The following CCDC150 variants were observed in gnomAD, a reference collection of about 807,000 sequenced individuals.
CCDC150 encodes coiled-coil domain-containing protein 150.
In CCDC150, 151 loss-of-function variants were observed where a neutral mutation model predicts 156.5. The ratio of observed to expected loss-of-function variants is 0.97; its 90% CI spans 0.85 to 1.10. The LOEUF (loss-of-function observed/expected upper bound fraction) is 1.10, where lower values mean the gene tolerates loss of function less well. CCDC150 is among the 50% of genes least tolerant of loss of function. The pLI is 0.00. For missense variants in CCDC150, 1,312 were observed against 1,268.1 expected, an observed-to-expected ratio of 1.03 and a Z score of -0.53; for synonymous variants, 452 against 429.4, an observed-to-expected ratio of 1.05 and a Z score of -0.65.
intron 7 of CCDC150, among the ~76,000 whole-genome samples, chr2:196,669,444 GTC>G (rs1163720276): frequency 2.0e-5 from 3 of 152,112 alleles, no homozygotes; most frequent in Non-Finnish European, 4.4e-5. Flanking sequence ...TTTCCTCTGT[GTC>G]TCTGTTGTCA....
chr2:196,684,945 G>A (rs1695039446), intron 13 of CCDC150, among the ~76,000 whole-genome samples: 1 of 151,930 alleles, frequency 6.6e-6, no homozygotes, highest in Non-Finnish European at 1.5e-5. Context: ...TGGATCTAAA[G>A]TGTATATTTT....
At chr2:196,722,023 A>G (rs1390079972) in intron 21 of CCDC150, among the ~76,000 whole-genome samples, 1 of 152,160 alleles carries the variant, frequency 6.6e-6, no homozygotes, top group Non-Finnish European at 1.5e-5. Context: ...AACAGCTTAT[A>G]TGTCCTTTAA....
intron 5 of CCDC150, among the ~76,000 whole-genome samples, chr2:196,661,805 C>T (rs995393080): frequency 2.6e-5 from 4 of 152,196 alleles, no homozygotes; most frequent in African/African-American, 4.8e-5. Context: ...TACTTTTGTA[C>T]GGCACATTGT....
intron 10 of CCDC150, 73 bp downstream of exon 10, chr2:196,674,421 G>A: frequency 3.8e-6 from 3 of 780,004 alleles, no homozygotes; most frequent in Admixed American, 2.8e-5. Context: ...ATGGCCAACT[G>A]GAGAAATAAA....
At chr2:196,649,919 T>C (rs896608679) in intron 2 of CCDC150, among the ~76,000 whole-genome samples, 2 of 152,234 alleles carry the variant, frequency 1.3e-5, no homozygotes, top group East Asian at 3.8e-4. Flanking sequence ...TTTCTGTACA[T>C]GAGATTTTGT....
intron 13 of CCDC150, among the ~76,000 whole-genome samples, chr2:196,681,706 A>G (rs1007985436): frequency 6.6e-6 from 1 of 152,148 alleles, no homozygotes; most frequent in Non-Finnish European, 1.5e-5. Context: ...TTGTATTTCC[A>G]TAGTAACTAA....
chr2:196,715,007 G>C (rs1409927476), intron 17 of CCDC150, among the ~76,000 whole-genome samples: 1 of 152,106 alleles, frequency 6.6e-6, no homozygotes, highest in East Asian at 1.9e-4. Flanking sequence ...ATAACGTTGA[G>C]GTAGATGTGG....
intron 5 of CCDC150, among the ~76,000 whole-genome samples, chr2:196,663,643 C>T (rs1406589873): frequency 6.6e-6 from 1 of 152,104 alleles, no homozygotes; most frequent in Non-Finnish European, 1.5e-5. Context: ...GAAAAACCCT[C>T]ATGTCAAAGA....
chr2:196,656,814 C>T lies in CCDC150; in HGVS notation c.358C>T (p.Arg120Trp), dbSNP rs766221250. The stretch of plus-strand genomic sequence containing the variant: ...GCAGTCCTTGAAGATGAACATCTTT[C>T]GGCTGCAAACTGAAAAGGATTTGAA... ...LMQSLKMNIF[R>W]LQTEKDLNPQ... Residue 120 changes from arginine (R) to tryptophan (W), a missense_variant, in exon 3 of 28, where the codon CGG becomes TGG. Transcript: ENST00000389175. 5.5e-5 allele frequency: 88 copies of T among 1,613,728 alleles called. 1 individual carries two copies. The highest frequency in any genetic ancestry group is 1.6e-4 in the Middle Eastern group (1 of 6,080).
At chr2:196,718,742 G>A in intron 18 of CCDC150, 111 bp downstream of exon 18, 1 of 1,337,168 alleles carries the variant, frequency 7.5e-7, no homozygotes, top group East Asian at 2.5e-5. Flanking sequence ...GGATTGATCA[G>A]GGGAGGATTT....
chr2:196,650,689 C>T (rs1265874866), intron 2 of CCDC150, among the ~76,000 whole-genome samples: 2 of 152,168 alleles, frequency 1.3e-5, no homozygotes, highest in African/African-American at 4.8e-5. Context: ...ACCATACCAG[C>T]TGCTAGTGTT....
At chr2:196,640,326 A>G (rs1011428120) in intron 1 of CCDC150, among the ~76,000 whole-genome samples, 16 of 152,138 alleles carry the variant, frequency 1.1e-4, no homozygotes, top group African/African-American at 3.9e-4. Context: ...TCTATTTTTA[A>G]CCCCACTTTA....
chr2:196,713,493 G>A (rs998564940), intron 17 of CCDC150: 26 of 1,550,522 alleles, frequency 1.7e-5, no homozygotes, highest in South Asian at 3.6e-5. Flanking sequence ...AACTCTACAC[G>A]CCGTGTGAGC....
chr2:196,659,405 A>G (rs1051813882), intron 5 of CCDC150, among the ~76,000 whole-genome samples: 2 of 152,310 alleles, frequency 1.3e-5, no homozygotes, highest in African/African-American at 4.8e-5. Context: ...TCCCTGACAT[A>G]ATAGTATTAA....
chr2:196,650,477 T>G (rs957843631), intron 2 of CCDC150, among the ~76,000 whole-genome samples: 2 of 152,220 alleles, frequency 1.3e-5, no homozygotes, highest in African/African-American at 4.8e-5. Context: ...CACTGCAGCC[T>G]CTGCCTCCCG....
chr2:196,685,563 G>A (rs1229956086), intron 13 of CCDC150, among the ~76,000 whole-genome samples: 1 of 151,488 alleles, frequency 6.6e-6, no homozygotes, highest in African/African-American at 2.4e-5. Context: ...TGTTTTTGAG[G>A]ATAGGTTTGC....
At chr2:196,731,595 G>A (rs1221301373) in intron 26 of CCDC150, among the ~76,000 whole-genome samples, 1 of 151,656 alleles carries the variant, frequency 6.6e-6, no homozygotes, top group Non-Finnish European at 1.5e-5. Flanking sequence ...TGTGTTGCCA[G>A]GCTGGTCTCA....
At chr2:196,646,234 C>A in intron 1 of CCDC150, 107 bp from the exon 2 acceptor site, 1 of 1,010,082 alleles carries the variant, frequency 9.9e-7, no homozygotes, top group Non-Finnish European at 1.5e-6. Context: ...CATCACCATT[C>A]CTGAGTTCAA....
chr2:196,639,899 C>A, intron 1 of CCDC150, 121 bp downstream of exon 1: 1 of 848,134 alleles, frequency 1.2e-6, no homozygotes, highest in Non-Finnish European at 1.6e-6. Context: ...TCCAGTCTCA[C>A]TCCCTGGACC....
Sources: gnomAD v4.1 joint callset for allele counts (sites outside exome capture counted in the v4.1 genomes callset) on GRCh38, gnomAD v4.1.1 for gene constraint, MANE v1.5 for transcripts, NCBI Gene and HGNC (gene_info 2026-07-23, HGNC 2026-07-21) for gene names.